Variants in KTN1 observed in about 807,000 individuals in gnomAD.
The protein encoded by KTN1 is kinectin 1.
KTN1 carries 130 observed loss-of-function variants against 222.5 expected under a neutral mutation model. That is an observed-to-expected ratio of 0.58 (90% CI 0.51 to 0.68). KTN1 has a LOEUF of 0.68. KTN1 is among the 30% of genes least tolerant of loss of function. The probability of loss-of-function intolerance (pLI) is 0.00; values close to 1 mark genes in which losing one functional copy is unlikely to be tolerated. For synonymous variants in KTN1, 512 were observed against 496.3 expected, an observed-to-expected ratio of 1.03 and a Z score of -0.42; for missense variants, 1,508 against 1,500.4, an observed-to-expected ratio of 1.01 and a Z score of -0.08.
Position 55,671,832 on chromosome 14 carries a change from T to C in KTN1, c.3486T>C (p.Asn1162=). The C allele has an allele frequency of 6.2e-7, 1 of 1,610,720 alleles. No homozygotes were observed. Among genetic ancestry groups the C allele is most frequent in the Non-Finnish European group, 8.5e-7 (1 of 1,177,242 alleles). Residue 1162 remains asparagine (N), a synonymous_variant, in exon 37 of 44, where the codon AAT becomes AAC. Coordinates refer to ENST00000395314, the MANE Select transcript of KTN1 (RefSeq NM_001079521.2). ...KLQRSVEQEE[N]KWKVKVDESH... is the part of the protein sequence containing the mutation. ...AGAGAAGTGTTGAGCAAGAAGAAAA[T>C]AAATGGAAAGTTAAGGTCGATGAAT...
At chr14:55,667,157 TA>T in intron 33 of KTN1, 83 bp from the exon 34 acceptor site, 2 of 859,760 alleles carry the variant, frequency 2.3e-6, no homozygotes, top group Non-Finnish European at 3.7e-6. Context: ...CGTAGAATTA[TA>T]AAACACTATA....
chr14:55,668,665 T>G (rs1276196192), intron 34 of KTN1: 1 of 152,122 alleles, frequency 6.6e-6, no homozygotes, highest in African/African-American at 2.4e-5. Flanking sequence ...CCAAGTCGTT[T>G]TGACACAATG....
rs377653312 is a variant in KTN1 at position 55,668,698 on chromosome 14, A to T, written c.3267+1368A>T. 3 of 152,092 alleles carry T rather than the reference A, an allele frequency of 2.0e-5. No individual in the cohort carries two copies. The East Asian group carries it at 5.8e-4, about 29-fold the overall frequency. 9.4% of individuals were successfully genotyped at this position (152,092 alleles called of 1,614,324 possible). ...ATGCTGCTAAACTTTGATAGCTTCT[A>T]TGCTTTGTGGTATGATAAGGTGCTC... is the stretch of plus-strand genomic sequence containing the variant. On this transcript the variant is annotated intron_variant, in intron 34 of 43. Transcript: ENST00000395314.
chr14:55,629,854 T>C, intron 6 of KTN1, 103 bp from the exon 7 acceptor site: 1 of 805,992 alleles, frequency 1.2e-6, no homozygotes, highest in South Asian at 1.7e-5. Context: ...TTATCATTCA[T>C]GATTATTTTA....
rs561498220 is a variant in KTN1 at position 55,596,111 on chromosome 14, T to G, written c.-31+15757T>G. ...CGGAGCTTACAGTGAGCTGAGATCG[T>G]GCCACTGCACTCCAGCATGGGCGAC... On this transcript the variant is annotated intron_variant, in intron 1 of 43. Coordinates refer to ENST00000395314, the MANE Select transcript of KTN1 (RefSeq NM_001079521.2). 1.5e-3 allele frequency among the ~76,000 whole-genome samples: 203 copies of G among 134,090 alleles called. 1 individual carries two copies. Among genetic ancestry groups the G allele is most frequent in the African/African-American group, 5.5e-3 (196 of 35,388 alleles). The allele number at this position is 134,090 out of a possible 152,430, so 88.0% of individuals were successfully genotyped here. A position where few individuals can be genotyped will look rare whatever the true frequency, so the allele number is the denominator to read the frequency against.
Position 55,684,187 on chromosome 14 carries a change from C to T in KTN1, c.*84C>T, listed in dbSNP as rs1202315480. 6 of 1,054,982 alleles carry T rather than the reference C, an allele frequency of 5.7e-6. No homozygotes were observed. The highest frequency in any genetic ancestry group is 8.5e-6 in the Non-Finnish European group (6 of 707,684). 65.4% of individuals were successfully genotyped at this position (1,054,982 alleles called of 1,614,324 possible). A position where few individuals can be genotyped will look rare whatever the true frequency, so the allele number is the denominator to read the frequency against. ...ATTAAAGCCTTATTTATGTTTTCAC[C>T]CTTTCTACTTTGTCAGAAACACTGA... On this transcript the variant is annotated 3_prime_UTR_variant, in exon 44 of 44. Coordinates refer to ENST00000395314, the MANE Select transcript of KTN1 (RefSeq NM_001079521.2).
At chr14:55,595,349 C>T (rs1339290814) in intron 1 of KTN1, among the ~76,000 whole-genome samples, 1 of 152,088 alleles carries the variant, frequency 6.6e-6, no homozygotes, top group Non-Finnish European at 1.5e-5. Flanking sequence ...TGATGAAAAC[C>T]AGTTAAATGA....
intron 43 of KTN1, chr14:55,681,727 G>T (rs1468212509): frequency 6.6e-6 from 1 of 152,058 alleles, no homozygotes; most frequent in African/African-American, 2.4e-5. Context: ...ATGATAGGCT[G>T]GATTGTTATG....
At chr14:55,671,942 A>T (rs1024676465) in intron 37 of KTN1, 65 bp downstream of exon 37, 3 of 932,190 alleles carry the variant, frequency 3.2e-6, no homozygotes, top group African/African-American at 1.6e-5. Context: ...CAGCAGCATC[A>T]GCATCACCAT....
intron 1 of KTN1, among the ~76,000 whole-genome samples, chr14:55,586,341 C>T (rs960600560): frequency 1.3e-5 from 2 of 152,178 alleles, no homozygotes; most frequent in Non-Finnish European, 2.9e-5. Context: ...AATTATCTTA[C>T]CTCAGTAGTT....
rs775842869 is a variant in KTN1, at chr14:55,658,534, T to G, written c.2893-12T>G. The G allele has an allele frequency of 6.7e-7, 1 of 1,503,156 alleles. No homozygotes were observed. Among genetic ancestry groups the G allele is most frequent in the South Asian group, 1.1e-5 (1 of 87,350 alleles). The allele number at this position is 1,503,156 out of a possible 1,614,324, so 93.1% of individuals were successfully genotyped here. On this transcript the variant is annotated splice_polypyrimidine_tract_variant and intron_variant, in intron 29 of 43. Coordinates refer to ENST00000395314, the MANE Select transcript of KTN1 (RefSeq NM_001079521.2). ...CTGTTTAGATACTGATGTTTAATTT[T>G]TATTTAATTAGGATGTACAAGATGA...
In KTN1 at chr14:55,672,702, G is replaced by C; in HGVS notation, c.3603+1G>C. ...AAGCGAAAATAAGGATATTGAAAAT[G>C]TATGTTATTTGATTGTTTTACTTGT... On this transcript the variant is annotated splice_donor_variant, in intron 38 of 43. Transcript: ENST00000395314. LOFTEE classifies it high-confidence loss of function. The C allele has an allele frequency of 6.4e-7, 1 of 1,565,028 alleles. No individual in the cohort carries two copies. The highest frequency in any genetic ancestry group is 1.4e-5 in the African/African-American group (1 of 74,022).
chr14:55,607,610 T>C (rs766389478), intron 1 of KTN1: 7 of 152,242 alleles, frequency 4.6e-5, no homozygotes, highest in Non-Finnish European at 1.0e-4. Context: ...GTTCCATGGA[T>C]ATTTCTCTCC....
chr14:55,580,226 C>G lies in KTN1; in HGVS notation c.-159C>G, dbSNP rs1484034526. On this transcript the variant is annotated 5_prime_UTR_variant, in exon 1 of 44. Coordinates refer to ENST00000395314, the MANE Select transcript of KTN1 (RefSeq NM_001079521.2). ...CGCCCCGAAGCCGCCCGTTTCCTGC[C>G]GAGCGGCGCGACGGCACCTGAGCGA... The G allele has an allele frequency of 6.6e-6, 1 of 152,480 alleles. No homozygotes were observed. Among genetic ancestry groups the G allele is most frequent in the African/African-American group, 2.4e-5 (1 of 41,014 alleles). 9.4% of individuals were successfully genotyped at this position (152,480 alleles called of 1,614,324 possible).
intron 5 of KTN1, among the ~76,000 whole-genome samples, chr14:55,626,298 G>A (rs889426333): frequency 6.6e-6 from 1 of 150,814 alleles, no homozygotes; most frequent in Non-Finnish European, 1.5e-5. Context: ...GGCTCTTACT[G>A]TGTTTACAGC....
At chr14:55,613,357 TG>T (rs2140642344) in intron 2 of KTN1, among the ~76,000 whole-genome samples, 1 of 152,182 alleles carries the variant, frequency 6.6e-6, no homozygotes, top group African/African-American at 2.4e-5. Context: ...GAAAGGGGGT[TG>T]ATAGGTACAA....
chr14:55,639,296 G>A (rs1489215977), intron 13 of KTN1, 74 bp downstream of exon 13: 3 of 1,021,976 alleles, frequency 2.9e-6, no homozygotes, highest in African/African-American at 3.3e-5. Context: ...CGACACTTAT[G>A]ATTAACTTTA....
chr14:55,657,397 G>GTTTTTTTTTTTTTGTTTTTTTT (rs2043605041), intron 29 of KTN1, among the ~76,000 whole-genome samples: 1 of 137,680 alleles, frequency 7.3e-6, no homozygotes, highest in South Asian at 2.3e-4. Context: ...CTGAGTTGAC[G>GTTTTTTTTTTTTTGTTTTTTTT]TTTTTTTTTT....
intron 31 of KTN1, among the ~76,000 whole-genome samples, chr14:55,660,410 T>TA (rs61140204): frequency 7.1e-6 from 1 of 140,946 alleles, no homozygotes; most frequent in African/African-American, 2.6e-5. Flanking sequence ...TTTTTTTTTT[T>TA]ACTGATACCT....
Sources: allele counts gnomAD v4.1 joint callset (sites outside exome capture counted in the v4.1 genomes callset), GRCh38; gene constraint gnomAD v4.1.1; transcripts MANE v1.5; gene names NCBI Gene and HGNC (gene_info 2026-07-23, HGNC 2026-07-21).